SEMA6D: variants seen among roughly 807,000 people sequenced by gnomAD.
SEMA6D encodes the protein semaphorin-6D.
SEMA6D carries 35 observed loss-of-function variants against 106.6 expected under a neutral mutation model. The observed-to-expected ratio is 0.33, with a 90% CI of 0.25 to 0.44. The LOEUF (loss-of-function observed/expected upper bound fraction) is 0.44, where lower values mean the gene tolerates loss of function less well. SEMA6D is among the 20% of genes least tolerant of loss of function. The pLI, the probability that SEMA6D is intolerant of heterozygous loss-of-function variation, is 1.00. For synonymous variants in SEMA6D, 499 were observed against 487.7 expected, an observed-to-expected ratio of 1.02 and a Z score of -0.31; for missense variants, 1,185 against 1,345.9, an observed-to-expected ratio of 0.88 and a Z score of 1.87.
At chr15:47,536,373 A>G (rs1409338405) in intron 3 of SEMA6D, among the ~76,000 whole-genome samples, 1 of 152,204 alleles carries the variant, frequency 6.6e-6, no homozygotes, top group African/African-American at 2.4e-5. Context: ...TAAGAGGTGA[A>G]AAGTTCTTTG....
At chr15:47,762,868 T>C (rs915567508) in intron 8 of SEMA6D, 148 bp from the exon 9 acceptor site, 11 of 590,026 alleles carry the variant, frequency 1.9e-5, no homozygotes, top group Non-Finnish European at 2.7e-5. Context: ...CACACCCATA[T>C]TGGGACTCCT....
chr15:47,436,866 T>G (rs2041727018), intron 2 of SEMA6D, among the ~76,000 whole-genome samples: 1 of 148,026 alleles, frequency 6.8e-6, no homozygotes, highest in Non-Finnish European at 1.5e-5. Flanking sequence ...CCCAGAAGGT[T>G]GAGGTTGCAG....
chr15:47,499,458 A>C (rs1206596144), intron 3 of SEMA6D, among the ~76,000 whole-genome samples: 1 of 152,160 alleles, frequency 6.6e-6, no homozygotes, highest in African/African-American at 2.4e-5. Context: ...GGATCTATTA[A>C]TTCATAACTT....
At chr15:47,633,885 G>T (rs879811278) in intron 4 of SEMA6D, among the ~76,000 whole-genome samples, 9 of 152,078 alleles carry the variant, frequency 5.9e-5, no homozygotes, top group Middle Eastern at 6.8e-3. Context: ...CATTTGTTCT[G>T]TCCTCTGTCA....
In SEMA6D at chr15:47,766,673, C is replaced by T; in HGVS notation, c.1704C>T (p.Cys568=). 1 of 1,602,252 alleles carries T rather than the reference C, an allele frequency of 6.2e-7. No homozygotes were observed. Among genetic ancestry groups the T allele is most frequent in the Non-Finnish European group, 8.5e-7 (1 of 1,169,812 alleles). Residue 568 remains cysteine, a synonymous_variant, in exon 16 of 19, where the codon TGC becomes TGT. Transcript: ENST00000536845. ...EFGNTAHLGD[C]HEILPTSTTP... ...GCAACACAGCTCATCTAGGGGACTG[C>T]CATGGTAAGACAGAATCTTCCATTC...
At chr15:47,684,031 C>T (rs1359746043) in intron 4 of SEMA6D, among the ~76,000 whole-genome samples, 1 of 152,132 alleles carries the variant, frequency 6.6e-6, no homozygotes, top group Admixed American at 6.5e-5. Flanking sequence ...GAGTCATCTT[C>T]AAGATGGCAG....
intron 1 of SEMA6D, among the ~76,000 whole-genome samples, chr15:47,319,488 C>T (rs1425061385): frequency 6.6e-6 from 1 of 151,996 alleles, no homozygotes; most frequent in Non-Finnish European, 1.5e-5. Flanking sequence ...TTAATGAATA[C>T]ATTGGTCTCT....
chr15:47,580,675 A>C (rs2076240362), intron 3 of SEMA6D, among the ~76,000 whole-genome samples: 1 of 152,214 alleles, frequency 6.6e-6, no homozygotes, highest in African/African-American at 2.4e-5. Flanking sequence ...CCCACTATGC[A>C]CCAGGCTGCC....
At chr15:47,580,297 G>C (rs2076233640) in intron 3 of SEMA6D, among the ~76,000 whole-genome samples, 1 of 152,080 alleles carries the variant, frequency 6.6e-6, no homozygotes, top group South Asian at 2.1e-4. Flanking sequence ...CTCCATGTAG[G>C]GTTTCCAGGT....
chr15:47,588,703 A>G (rs1456858292), intron 3 of SEMA6D, among the ~76,000 whole-genome samples: 1 of 152,138 alleles, frequency 6.6e-6, no homozygotes, highest in African/African-American at 2.4e-5. Flanking sequence ...AAGTCCCTGG[A>G]AGAATTTAGA....
At chr15:47,432,279 G>C (rs281239) in intron 2 of SEMA6D, among the ~76,000 whole-genome samples, 80,744 of 151,832 alleles carry the variant, frequency 0.53, 21,803 homozygotes, top group South Asian at 0.63. Context: ...AGAAGAGAGA[G>C]TAGGAGCAAA....
intron 3 of SEMA6D, among the ~76,000 whole-genome samples, chr15:47,580,743 A>G (rs2076241661): frequency 6.6e-6 from 1 of 152,236 alleles, no homozygotes; most frequent in African/African-American, 2.4e-5. Context: ...TATGGAGATT[A>G]AATTCAAGTG....
At chr15:47,575,651 G>A (rs573789732) in intron 3 of SEMA6D, among the ~76,000 whole-genome samples, 11 of 152,246 alleles carry the variant, frequency 7.2e-5, no homozygotes, top group South Asian at 2.1e-4. Context: ...CCCGAAAGGC[G>A]GAGGTTGCAG....
At chr15:47,486,071 G>A (rs1045055720) in intron 3 of SEMA6D, among the ~76,000 whole-genome samples, 6 of 152,158 alleles carry the variant, frequency 3.9e-5, no homozygotes, top group Non-Finnish European at 8.8e-5. Context: ...GTCTGCTAAC[G>A]TCCATAGTCA....
At chr15:47,608,783 CA>C (rs1184522173) in intron 4 of SEMA6D, among the ~76,000 whole-genome samples, 1 of 152,172 alleles carries the variant, frequency 6.6e-6, no homozygotes, top group Non-Finnish European at 1.5e-5. Context: ...ATACTTTCAG[CA>C]CCTTGTTTCT....
intron 4 of SEMA6D, among the ~76,000 whole-genome samples, chr15:47,698,326 G>A (rs2078741603): frequency 6.6e-6 from 1 of 152,120 alleles, no homozygotes; most frequent in African/African-American, 2.4e-5. Context: ...TATCAGCTTA[G>A]GTATTATTTA....
At chr15:47,584,076 A>G (rs1309640933) in intron 3 of SEMA6D, among the ~76,000 whole-genome samples, 1 of 152,200 alleles carries the variant, frequency 6.6e-6, no homozygotes, top group African/African-American at 2.4e-5. Flanking sequence ...TCTTGAGGGC[A>G]GGGCAAGATC....
chr15:47,647,877 G>A (rs1306307337), intron 4 of SEMA6D, among the ~76,000 whole-genome samples: 6 of 152,150 alleles, frequency 3.9e-5, no homozygotes, highest in Non-Finnish European at 1.5e-5. Flanking sequence ...AACTGTGAAG[G>A]AGAGACTTAA....
At chr15:47,750,540 T>G (rs2081371379) in intron 1 of SEMA6D, among the ~76,000 whole-genome samples, 1 of 152,088 alleles carries the variant, frequency 6.6e-6, no homozygotes, top group Non-Finnish European at 1.5e-5. Flanking sequence ...ATGGTGTGAG[T>G]CTCCACTGCT....
Sources: gnomAD v4.1 joint callset for allele counts (sites outside exome capture counted in the v4.1 genomes callset) on GRCh38, gnomAD v4.1.1 for gene constraint, MANE v1.5 for transcripts, NCBI Gene and HGNC (gene_info 2026-07-23, HGNC 2026-07-21) for gene names.